AK3: variants seen among roughly 807,000 people sequenced by gnomAD.
AK3 encodes adenylate kinase 3, also known as GTP:AMP phosphotransferase AK3, mitochondrial.
AK3 carries 27 observed loss-of-function variants against 23.7 expected under a neutral mutation model. That is an observed-to-expected ratio of 1.14 (90% CI 0.84 to 1.57). The LOEUF is 1.57. Among genes scored for constraint, AK3 ranks in the 40% most tolerant of loss-of-function variants. The pLI is 0.00. For missense variants in AK3, 406 were observed against 285.6 expected, an observed-to-expected ratio of 1.42 and a Z score of -3.04; for synonymous variants, 159 against 116.0, an observed-to-expected ratio of 1.37 and a Z score of -2.38.
chr9:4,724,615 C>CA (rs1841979197), intron 1 of AK3, among the ~76,000 whole-genome samples: 1 of 151,960 alleles, frequency 6.6e-6, no homozygotes, highest in Non-Finnish European at 1.5e-5. Flanking sequence ...CCCATCTCTA[C>CA]AAAAGATTAA....
chr9:4,714,050 A>C (rs1841643605), intron 4 of AK3, among the ~76,000 whole-genome samples: 1 of 72,218 alleles, frequency 1.4e-5, no homozygotes, highest in Admixed American at 1.4e-4. Context: ...CTACACATAT[A>C]CACCTACACA....
chr9:4,719,787 C>G (rs146955556), intron 2 of AK3, among the ~76,000 whole-genome samples: 1 of 152,110 alleles, frequency 6.6e-6, no homozygotes, highest in African/African-American at 2.4e-5. Context: ...AGGGACTGGC[C>G]GGGCGCAGTG....
intron 1 of AK3, among the ~76,000 whole-genome samples, chr9:4,740,349 T>A (rs911633608): frequency 6.6e-6 from 1 of 152,092 alleles, no homozygotes. Flanking sequence ...TATAGAACCA[T>A]GCACAAGAAT....
rs1842415015 is a variant in AK3 at position 4,740,931 on chromosome 9, TC to T, written c.151+5del. ...GCACGGCCGGCCCTGGGCCCAGAGC[TC>T]CCACCTGTGCCCCGCAGCATGTTGT... is the stretch of plus-strand genomic sequence containing the variant. On this transcript the variant is annotated splice_donor_5th_base_variant and intron_variant, in intron 1 of 4. Transcript: ENST00000381809. 1.3e-6 allele frequency: 2 copies of T among 1,555,766 alleles called. No homozygotes were observed. The highest frequency in any genetic ancestry group is 1.9e-5 in the Admixed American group (1 of 53,248).
chr9:4,721,529 G>A (rs1018941712), intron 2 of AK3, among the ~76,000 whole-genome samples: 1 of 151,474 alleles, frequency 6.6e-6, no homozygotes. Context: ...GGGCAATCTC[G>A]GTTCACCGCA....
chr9:4,727,610 G>A (rs1842048741), intron 1 of AK3, among the ~76,000 whole-genome samples: 1 of 152,094 alleles, frequency 6.6e-6, no homozygotes, highest in Non-Finnish European at 1.5e-5. Flanking sequence ...CTTCTTTCTA[G>A]ACCACTCAAG....
chr9:4,739,882 C>T (rs776695185), intron 1 of AK3, among the ~76,000 whole-genome samples: 1 of 151,754 alleles, frequency 6.6e-6, no homozygotes, highest in Admixed American at 6.6e-5. Flanking sequence ...AAGACTCCGT[C>T]TCAAAAAACA....
chr9:4,720,464 G>C (rs1419203235), intron 2 of AK3, among the ~76,000 whole-genome samples: 1 of 152,142 alleles, frequency 6.6e-6, no homozygotes, highest in Non-Finnish European at 1.5e-5. Context: ...CGGGAGGACT[G>C]CTTGAGCCCA....
intron 1 of AK3, among the ~76,000 whole-genome samples, 158 bp downstream of exon 1, chr9:4,740,779 G>T (rs967935388): frequency 6.6e-6 from 1 of 152,190 alleles, no homozygotes; most frequent in African/African-American, 2.4e-5. Context: ...GGAGGTTTTG[G>T]GGCGCAGTCG....
intron 4 of AK3, among the ~76,000 whole-genome samples, chr9:4,713,975 T>C (rs1841635125): frequency 2.9e-4 from 1 of 3,452 alleles, no homozygotes. Context: ...CACCTCCACA[T>C]TTACACACCT....
intron 1 of AK3, among the ~76,000 whole-genome samples, chr9:4,730,696 ATTTATCATGAAC>A (rs1373835180): frequency 1.3e-5 from 2 of 152,204 alleles, no homozygotes; most frequent in Non-Finnish European, 2.9e-5. Context: ...TCTGTTTTTC[ATTTATCATGAAC>A]TTTTTTATGT....
chr9:4,741,187 C>T lies in AK3; in HGVS notation c.-100G>A, dbSNP rs1842425462. 1 of 1,261,112 alleles carries T rather than the reference C, an allele frequency of 7.9e-7. No individual in the cohort carries two copies. Among genetic ancestry groups the T allele is most frequent in the Non-Finnish European group, 1.0e-6 (1 of 982,738 alleles). 78.1% of individuals were successfully genotyped at this position (1,261,112 alleles called of 1,614,324 possible). Reference sequence around the variant, plus strand: ...CTGCGCCGGCCGGCTAGCAGCGCCACTAGCAGGCGGCTACTGCGGTTCCCC... The same window carrying T: ...CTGCGCCGGCCGGCTAGCAGCGCCATTAGCAGGCGGCTACTGCGGTTCCCC... On this transcript the variant is annotated 5_prime_UTR_variant, in exon 1 of 5. In the 5' UTR this introduces an upstream ATG that the reference lacks. Coordinates refer to ENST00000381809, the MANE Select transcript of AK3 (RefSeq NM_016282.4).
intron 1 of AK3, among the ~76,000 whole-genome samples, chr9:4,727,682 G>A (rs913603731): frequency 2.0e-5 from 3 of 152,120 alleles, no homozygotes; most frequent in African/African-American, 7.2e-5. Flanking sequence ...TACTGGAGCA[G>A]CACTTTTAAT....
At chr9:4,715,858 C>T (rs1013452483) in intron 4 of AK3, among the ~76,000 whole-genome samples, 1 of 152,212 alleles carries the variant, frequency 6.6e-6, no homozygotes, top group African/African-American at 2.4e-5. Context: ...AACCTCTCCA[C>T]CAAACTCAGT....
chr9:4,732,716 A>G (rs1275921254), intron 1 of AK3, among the ~76,000 whole-genome samples: 1 of 152,196 alleles, frequency 6.6e-6, no homozygotes, highest in East Asian at 1.9e-4. Flanking sequence ...ATAAAAAGCC[A>G]TTTTAAATTC....
intron 1 of AK3, among the ~76,000 whole-genome samples, chr9:4,731,947 T>A (rs571528254): frequency 2.0e-5 from 3 of 152,120 alleles, no homozygotes; most frequent in Non-Finnish European, 4.4e-5. Flanking sequence ...CTATTTTCTT[T>A]TCTTATGATT....
intron 4 of AK3, among the ~76,000 whole-genome samples, chr9:4,713,998 C>T (rs1841637979): frequency 6.9e-6 from 1 of 145,972 alleles, no homozygotes; most frequent in East Asian, 2.1e-4. Context: ...ACATATACGC[C>T]TACACATATA....
At chr9:4,726,803 C>T (rs982726900) in intron 1 of AK3, among the ~76,000 whole-genome samples, 2 of 151,484 alleles carry the variant, frequency 1.3e-5, no homozygotes, top group Non-Finnish European at 2.9e-5. Flanking sequence ...CCAAATCCAT[C>T]AGAGGAATCA....
chr9:4,714,269 A>C (rs468822), intron 4 of AK3, among the ~76,000 whole-genome samples: 18,690 of 61,412 alleles, frequency 0.3, 5,388 homozygotes, highest in African/African-American at 0.43. Context: ...GGACAACCTA[A>C]GAACTCTGGT....
Sources: allele counts gnomAD v4.1 joint callset (sites outside exome capture counted in the v4.1 genomes callset), GRCh38; gene constraint gnomAD v4.1.1; transcripts MANE v1.5; gene names NCBI Gene and HGNC (gene_info 2026-07-23, HGNC 2026-07-21).